Variants in ARL15 observed in about 807,000 individuals in gnomAD.
The protein encoded by ARL15 is ADP-ribosylation factor-like protein 15.
A neutral mutation model predicts 25.2 loss-of-function variants in ARL15; 19 were observed. The observed-to-expected ratio is 0.75, with a 90% CI of 0.53 to 1.10. The LOEUF (loss-of-function observed/expected upper bound fraction) is 1.10. ARL15 is among the 50% of genes least tolerant of loss of function. The pLI is 0.00. For missense variants in ARL15, 220 were observed against 246.0 expected (o/e 0.89, Z 0.71); for synonymous variants, 94 against 86.8 (o/e 1.08, Z -0.46).
rs537681574 is a variant in ARL15 at position 54,125,341 on chromosome 5, G to A, written c.254-11931C>T. ...GAGCCACCGCGCCCAGCCCCAGTACGCAAGTTTTTATGAAGCAAACTGCCA... is the reference window on the plus strand; with the variant it reads ...GAGCCACCGCGCCCAGCCCCAGTACACAAGTTTTTATGAAGCAAACTGCCA... On this transcript the variant is annotated intron_variant, in intron 3 of 4. Coordinates refer to ENST00000504924, the MANE Select transcript of ARL15 (RefSeq NM_019087.3). Among the ~76,000 whole-genome samples the A allele has an allele frequency of 8.5e-5, 13 of 152,078 alleles. No homozygotes were observed. The South Asian group carries it at 1.2e-3, about 15-fold the overall frequency.
At chr5:54,263,563 G>A (rs1007267437) in intron 1 of ARL15, among the ~76,000 whole-genome samples, 3 of 152,184 alleles carry the variant, frequency 2.0e-5, no homozygotes, top group South Asian at 2.1e-4. Flanking sequence ...ATGGTTCCAC[G>A]AAGAAAGGAA....
intron 1 of ARL15, among the ~76,000 whole-genome samples, chr5:54,221,144 A>G (rs1756362495): frequency 6.6e-6 from 1 of 152,126 alleles, no homozygotes; most frequent in African/African-American, 2.4e-5. Flanking sequence ...TTCACTTTTA[A>G]TTTTCTTGCT....
chr5:54,197,955 G>A (rs1755600784), intron 1 of ARL15, among the ~76,000 whole-genome samples: 1 of 151,966 alleles, frequency 6.6e-6, no homozygotes, highest in South Asian at 2.1e-4. Flanking sequence ...CCATGATCAA[G>A]TGGGCTTCAT....
chr5:54,260,939 T>C (rs1382268205), intron 1 of ARL15, among the ~76,000 whole-genome samples: 1 of 152,196 alleles, frequency 6.6e-6, no homozygotes, highest in African/African-American at 2.4e-5. Flanking sequence ...GTAAACTCCA[T>C]GCTTCTCTGA....
At chr5:54,307,852 C>G (rs1758797964) in intron 1 of ARL15, 1 of 152,154 alleles carries the variant, frequency 6.6e-6, no homozygotes, top group Admixed American at 6.5e-5. Context: ...ATGACACACA[C>G]CATCATTCTT....
At chr5:54,115,587 T>C (rs916141307) in intron 3 of ARL15, among the ~76,000 whole-genome samples, 2 of 152,178 alleles carry the variant, frequency 1.3e-5, no homozygotes, top group Non-Finnish European at 2.9e-5. Context: ...GAGGGAAGTA[T>C]AATTGACTAA....
chr5:54,144,024 G>T (rs1376648605), intron 3 of ARL15, among the ~76,000 whole-genome samples: 1 of 151,732 alleles, frequency 6.6e-6, no homozygotes, highest in East Asian at 1.9e-4. Flanking sequence ...ACCTGACCCT[G>T]CCATCTTCCA....
chr5:53,991,571 G>GGGAAT (rs1748498318), intron 4 of ARL15, among the ~76,000 whole-genome samples: 2 of 146,546 alleles, frequency 1.4e-5, no homozygotes, highest in African/African-American at 5.0e-5. Flanking sequence ...AGGGGGGGCG[G>GGGAAT]GGGGCAATTG....
intron 1 of ARL15, among the ~76,000 whole-genome samples, chr5:54,200,001 G>A (rs1755665587): frequency 6.6e-6 from 1 of 151,326 alleles, no homozygotes; most frequent in South Asian, 2.1e-4. Flanking sequence ...GTAGGAACGT[G>A]GATGAAATTG....
intron 4 of ARL15, among the ~76,000 whole-genome samples, chr5:53,966,820 G>A (rs925508318): frequency 3.9e-5 from 6 of 152,232 alleles, no homozygotes; most frequent in East Asian, 1.9e-4. Flanking sequence ...ATGCATCCCC[G>A]CAAATATGTG....
intron 3 of ARL15, among the ~76,000 whole-genome samples, chr5:54,148,715 G>A (rs540969806): frequency 1.3e-5 from 2 of 152,282 alleles, no homozygotes; most frequent in East Asian, 1.9e-4. Context: ...TGGTGGCTGG[G>A]ATGGGGCATG....
At chr5:54,251,953 G>A (rs1419709154) in intron 1 of ARL15, among the ~76,000 whole-genome samples, 1 of 152,216 alleles carries the variant, frequency 6.6e-6, no homozygotes, top group African/African-American at 2.4e-5. Context: ...AATCAAAGTT[G>A]ACAACCAGTG....
intron 1 of ARL15, among the ~76,000 whole-genome samples, chr5:54,270,654 G>A (rs2112643999): frequency 1.3e-5 from 2 of 152,302 alleles, no homozygotes; most frequent in Admixed American, 1.3e-4. Context: ...CCCTTCTAAA[G>A]GAAGCACACA....
At chr5:53,905,522 T>C (rs1488672548) in intron 4 of ARL15, among the ~76,000 whole-genome samples, 1 of 152,190 alleles carries the variant, frequency 6.6e-6, no homozygotes, top group Non-Finnish European at 1.5e-5. Context: ...CAGAATTCTA[T>C]TATAAAGTAT....
intron 1 of ARL15, among the ~76,000 whole-genome samples, chr5:54,281,904 A>G (rs1206955731): frequency 1.3e-5 from 2 of 152,158 alleles, no homozygotes; most frequent in Admixed American, 6.5e-5. Flanking sequence ...ATTTTTTCAT[A>G]TATTTTTGCT....
At chr5:53,895,394 T>C (rs1561139405) in intron 4 of ARL15, among the ~76,000 whole-genome samples, 1 of 152,324 alleles carries the variant, frequency 6.6e-6, no homozygotes, top group East Asian at 1.9e-4. Context: ...TCTCTGTGTT[T>C]AGCCTGTGTT....
intron 4 of ARL15, among the ~76,000 whole-genome samples, chr5:53,939,761 GAAAGAA>G (rs1420815511): frequency 6.6e-6 from 1 of 151,760 alleles, no homozygotes; most frequent in Non-Finnish European, 1.5e-5. Context: ...AATAAAGAAA[GAAAGAA>G]AAAGAAAGTT....
intron 4 of ARL15, among the ~76,000 whole-genome samples, chr5:54,086,367 T>C (rs988264741): frequency 2.6e-5 from 4 of 152,094 alleles, no homozygotes; most frequent in African/African-American, 9.7e-5. Flanking sequence ...GCAAATAGCC[T>C]CATCCTGCTC....
At chr5:54,199,272 G>A (rs1026198708) in intron 1 of ARL15, among the ~76,000 whole-genome samples, 1 of 152,026 alleles carries the variant, frequency 6.6e-6, no homozygotes, top group African/African-American at 2.4e-5. Context: ...AAAAGCAATG[G>A]CAACAAAAGC....
Sources: allele counts gnomAD v4.1 joint callset (sites outside exome capture counted in the v4.1 genomes callset), GRCh38; gene constraint gnomAD v4.1.1; transcripts MANE v1.5; gene names NCBI Gene and HGNC (gene_info 2026-07-23, HGNC 2026-07-21).